Variants in KIAA0825 observed in about 807,000 individuals in gnomAD.
The protein encoded by KIAA0825 is uncharacterized protein KIAA0825.
A neutral mutation model predicts 147.6 loss-of-function variants in KIAA0825; 119 were observed. That is an observed-to-expected ratio of 0.81 (90% confidence interval 0.69 to 0.94). The LOEUF (loss-of-function observed/expected upper bound fraction) is 0.94. Among genes scored for constraint, KIAA0825 ranks in the 40% least tolerant of loss-of-function variants. KIAA0825 has a pLI of 0.00. For synonymous variants in KIAA0825, 470 were observed against 518.1 expected (o/e 0.91, Z 1.26); for missense variants, 1,381 against 1,472.7 (o/e 0.94, Z 1.02).
At chr5:94,219,422 C>T (rs1369119734) in intron 20 of KIAA0825, among the ~76,000 whole-genome samples, 1 of 152,142 alleles carries the variant, frequency 6.6e-6, no homozygotes, top group Non-Finnish European at 1.5e-5. Flanking sequence ...CCAGTACCAT[C>T]TGTGGCCTGG....
At chr5:94,313,630 T>G (rs1584080493) in intron 20 of KIAA0825, among the ~76,000 whole-genome samples, 1 of 128,034 alleles carries the variant, frequency 7.8e-6, no homozygotes, top group Non-Finnish European at 1.7e-5. Flanking sequence ...TTTTTTTTTT[T>G]GTATCTTGGC....
At chr5:94,613,591 T>C (rs1030103162) in intron 1 of KIAA0825, among the ~76,000 whole-genome samples, 3 of 152,234 alleles carry the variant, frequency 2.0e-5, no homozygotes, top group African/African-American at 7.2e-5. Flanking sequence ...GCAGTACCTG[T>C]CATAAAAGTA....
intron 5 of KIAA0825, 133 bp downstream of exon 5, chr5:94,520,115 G>A: frequency 8.1e-7 from 1 of 1,228,228 alleles, no homozygotes; most frequent in East Asian, 2.8e-5. Flanking sequence ...AATGTATACT[G>A]CAAAATTTCA....
At chr5:94,540,991 G>A (rs1191225852) in intron 2 of KIAA0825, among the ~76,000 whole-genome samples, 2 of 152,192 alleles carry the variant, frequency 1.3e-5, no homozygotes, top group African/African-American at 2.4e-5. Context: ...ATAACTGGTT[G>A]TTTAAAAAGA....
chr5:94,157,630 T>C (rs1255213829), intron 20 of KIAA0825, among the ~76,000 whole-genome samples: 1 of 152,232 alleles, frequency 6.6e-6, no homozygotes, highest in Non-Finnish European at 1.5e-5. Context: ...TTATTAATAT[T>C]AGCACATATT....
chr5:94,553,523 G>A (rs1185216576), intron 2 of KIAA0825, among the ~76,000 whole-genome samples: 1 of 151,626 alleles, frequency 6.6e-6, no homozygotes, highest in African/African-American at 2.4e-5. Context: ...CCAGCAATTT[G>A]GGAGGCCAAG....
At chr5:94,398,509 C>T (rs1054792364) in intron 16 of KIAA0825, among the ~76,000 whole-genome samples, 2 of 152,150 alleles carry the variant, frequency 1.3e-5, no homozygotes, top group East Asian at 3.9e-4. Context: ...ACTCTTAGTT[C>T]AAAATCCTCT....
chr5:94,221,000 T>A (rs1773624599), intron 20 of KIAA0825, among the ~76,000 whole-genome samples: 1 of 152,244 alleles, frequency 6.6e-6, no homozygotes, highest in South Asian at 2.1e-4. Context: ...ATGTTTTACA[T>A]GTCCCTTCAA....
At chr5:94,216,428 T>C (rs1156529571) in intron 20 of KIAA0825, among the ~76,000 whole-genome samples, 3 of 152,148 alleles carry the variant, frequency 2.0e-5, no homozygotes, top group Non-Finnish European at 4.4e-5. Context: ...TCCATTCAGA[T>C]GGAATGGAAG....
chr5:94,175,270 C>T (rs1768981935), intron 20 of KIAA0825, among the ~76,000 whole-genome samples: 1 of 152,208 alleles, frequency 6.6e-6, no homozygotes, highest in Non-Finnish European at 1.5e-5. Context: ...ACATCCTTGT[C>T]TCATTGCTTC....
intron 2 of KIAA0825, among the ~76,000 whole-genome samples, chr5:94,577,148 C>T (rs971167844): frequency 6.6e-6 from 1 of 151,910 alleles, no homozygotes; most frequent in Admixed American, 6.6e-5. Flanking sequence ...TATAGTTTGG[C>T]TTAGAGATTT....
chr5:94,244,227 A>G (rs1365529272), intron 20 of KIAA0825, among the ~76,000 whole-genome samples: 2 of 152,214 alleles, frequency 1.3e-5, no homozygotes, highest in East Asian at 1.9e-4. Context: ...TACCTCTTAG[A>G]ATAAACCATA....
chr5:94,472,883 A>G (rs578141472), intron 8 of KIAA0825, among the ~76,000 whole-genome samples: 16 of 152,348 alleles, frequency 1.1e-4, no homozygotes, highest in Non-Finnish European at 4.4e-5. Flanking sequence ...ATGGAGATGT[A>G]AGACTGATAC....
intron 20 of KIAA0825, among the ~76,000 whole-genome samples, chr5:94,379,568 C>T (rs868360000): frequency 5.9e-5 from 9 of 151,982 alleles, no homozygotes; most frequent in South Asian, 2.1e-4. Flanking sequence ...GCTAGGATTG[C>T]CTTTGCTATT....
At chr5:94,467,967 T>C (rs1435505151) in intron 10 of KIAA0825, among the ~76,000 whole-genome samples, 4 of 152,254 alleles carry the variant, frequency 2.6e-5, no homozygotes, top group African/African-American at 4.8e-5. Context: ...TTATTTTTGA[T>C]ACACAAAAAA....
chr5:94,242,550 T>C (rs1489880635), intron 20 of KIAA0825, among the ~76,000 whole-genome samples: 2 of 152,014 alleles, frequency 1.3e-5, no homozygotes, highest in Non-Finnish European at 2.9e-5. Context: ...TATATTTTTC[T>C]TTCCTTCCTT....
chr5:94,573,056 A>G (rs1256829613), intron 2 of KIAA0825, among the ~76,000 whole-genome samples: 1 of 150,242 alleles, frequency 6.7e-6, no homozygotes, highest in African/African-American at 2.5e-5. Flanking sequence ...GAAATGAGAC[A>G]TCAATCAAAT....
chr5:94,552,164 A>C (rs1775670781), intron 2 of KIAA0825, among the ~76,000 whole-genome samples: 1 of 152,170 alleles, frequency 6.6e-6, no homozygotes, highest in South Asian at 2.1e-4. Context: ...AACTCTAAAA[A>C]GAGAAAAGGA....
intron 1 of KIAA0825, among the ~76,000 whole-genome samples, chr5:94,608,466 ATATATATAATATATATATATATATAAT>A (rs1787966109): frequency 1.8e-4 from 3 of 16,344 alleles, no homozygotes; most frequent in East Asian, 1.7e-3. Flanking sequence ...TATATATATT[ATATATATAATATATATATATATATAAT>A]TATATATATA....
Sources: gnomAD v4.1 joint callset for allele counts (sites outside exome capture counted in the v4.1 genomes callset) on GRCh38, gnomAD v4.1.1 for gene constraint, MANE v1.5 for transcripts, NCBI Gene and HGNC (gene_info 2026-07-23, HGNC 2026-07-21) for gene names.